The following HSD17B14 variants were observed in gnomAD, a reference collection of about 807,000 sequenced individuals.
HSD17B14 encodes hydroxysteroid 17-beta dehydrogenase 14, also known as L-fucose dehydrogenase.
In HSD17B14, 32 loss-of-function variants were observed where a neutral mutation model predicts 32.2. The observed-to-expected ratio is 0.99, with a 90% CI of 0.75 to 1.33. The LOEUF is 1.33. Ranked by LOEUF, HSD17B14 falls within the 40% of genes most tolerant of loss-of-function variation. The pLI is 0.00. For synonymous variants in HSD17B14, 140 were observed against 155.4 expected (o/e 0.90, Z 0.74); for missense variants, 370 against 366.5 (o/e 1.01, Z -0.08).
In HSD17B14 at chr19:48,813,288, C is replaced by T. The variant is rs1400589983; in HGVS notation, c.700G>A (p.Glu234Lys). ...VGAAAVFLAS[E>K]ANFCTGIELL... ...TCAATGCCCGTGCAGAAGTTGGCTT[C>T]GGAGGCCAGGAACACTGCCGCAGCC... The change falls in exon 9 of 9, where the codon GAA (glutamate) becomes AAA (lysine). Residue 234 changes from glutamate to lysine, a missense_variant. Transcript: ENST00000263278. 10 of 1,603,036 alleles carry T rather than the reference C, an allele frequency of 6.2e-6. No individual in the cohort carries two copies. The highest frequency in any genetic ancestry group is 1.7e-4 in the Middle Eastern group (1 of 6,042).
intron 5 of HSD17B14, among the ~76,000 whole-genome samples, chr19:48,822,198 G>A (rs1213478823): frequency 1.4e-5 from 2 of 145,770 alleles, no homozygotes; most frequent in Non-Finnish European, 3.0e-5. Flanking sequence ...TGATGGTGAT[G>A]ATGATGATGG....
At chr19:48,814,839 T>TA (rs375605467) in intron 6 of HSD17B14, among the ~76,000 whole-genome samples, 198 bp downstream of exon 6, 147 of 99,304 alleles carry the variant, frequency 1.5e-3, no homozygotes, top group South Asian at 4.2e-3. Context: ...ACTCCATCTT[T>TA]AAAAAAAAAA....
At chr19:48,831,556 C>T (rs1482799804) in intron 5 of HSD17B14, 112 bp downstream of exon 5, 2 of 809,804 alleles carry the variant, frequency 2.5e-6, no homozygotes, top group Non-Finnish European at 2.2e-6. Flanking sequence ...CTGTCTCCAA[C>T]AAACAAACAA....
At chr19:48,826,996 G>C (rs929037158) in intron 5 of HSD17B14, among the ~76,000 whole-genome samples, 1 of 151,868 alleles carries the variant, frequency 6.6e-6, no homozygotes, top group African/African-American at 2.4e-5. Flanking sequence ...AGCTCTGTCC[G>C]GTCAGTTGCT....
chr19:48,829,696 T>G (rs1445772625), intron 5 of HSD17B14, among the ~76,000 whole-genome samples: 11 of 134,802 alleles, frequency 8.2e-5, no homozygotes, highest in Non-Finnish European at 6.1e-5. Context: ...CAGGCTGGAG[T>G]GCAATGGCAC....
At chr19:48,825,162 C>T (rs914564665) in intron 5 of HSD17B14, among the ~76,000 whole-genome samples, 2 of 148,672 alleles carry the variant, frequency 1.3e-5, no homozygotes, top group Admixed American at 1.4e-4. Context: ...CACTTGAACC[C>T]AGCAGGTGGA....
intron 3 of HSD17B14, among the ~76,000 whole-genome samples, 182 bp downstream of exon 3, chr19:48,834,094 G>A (rs2035401084): frequency 6.6e-6 from 1 of 152,204 alleles, no homozygotes; most frequent in Non-Finnish European, 1.5e-5. Context: ...AGGAACATGT[G>A]ACCTGCCCAT....
chr19:48,828,485 G>A (rs921289228), intron 5 of HSD17B14, among the ~76,000 whole-genome samples: 1 of 152,000 alleles, frequency 6.6e-6, no homozygotes, highest in African/African-American at 2.4e-5. Flanking sequence ...AGTCATAGTG[G>A]TGCACCCCTG....
intron 5 of HSD17B14, among the ~76,000 whole-genome samples, chr19:48,826,078 C>T (rs994114687): frequency 6.6e-6 from 1 of 152,018 alleles, no homozygotes; most frequent in Non-Finnish European, 1.5e-5. Context: ...CCTCAGCCTC[C>T]CAAAGTGCTG....
rs145482025 is a variant in HSD17B14, at chr19:48,834,338, C to G, written c.148G>C (p.Glu50Gln). ...AAGACAGCTCCAGGGAGCTCCTGCTCCAGGGCCCGGCCCCCAGACTCTGCA... is the reference window on the plus strand; with the variant it reads ...AAGACAGCTCCAGGGAGCTCCTGCTGCAGGGCCCGGCCCCCAGACTCTGCA... The part of the protein sequence containing the change: ...DKDESGGRAL[E>Q]QELPGAVFIL... Residue 50 changes from glutamate to glutamine, a missense_variant, in exon 3 of 9, where the codon GAG (glutamate) becomes CAG (glutamine). Coordinates refer to ENST00000263278, the MANE Select transcript of HSD17B14 (RefSeq NM_016246.3). The G allele has an allele frequency of 2.5e-6, 4 of 1,613,696 alleles. No individual in the cohort carries two copies. The highest frequency in any genetic ancestry group is 1.1e-5 in the South Asian group (1 of 91,070).
At chr19:48,815,385 C>T (rs535188172) in intron 5 of HSD17B14, among the ~76,000 whole-genome samples, 28 of 152,138 alleles carry the variant, frequency 1.8e-4, no homozygotes, top group Non-Finnish European at 3.8e-4. Flanking sequence ...CTCTTCTCCT[C>T]GGTCTCTGAC....
Position 48,831,699 on chromosome 19 carries a change from A to C in HSD17B14, c.338T>G (p.Leu113Arg). 1 of 1,613,870 alleles carries C rather than the reference A, an allele frequency of 6.2e-7. No individual in the cohort carries two copies. Among genetic ancestry groups the C allele is most frequent in the Non-Finnish European group, 8.5e-7 (1 of 1,179,860 alleles). The change falls in exon 5 of 9, where the codon CTG (leucine) becomes CGG (arginine). Residue 113 changes from leucine (L) to arginine (R), a missense_variant. Coordinates refer to ENST00000263278, the MANE Select transcript of HSD17B14 (RefSeq NM_016246.3). The stretch of plus-strand genomic sequence containing the variant: ...CAAGGTGTACGTCCCCAGTAGGTTC[A>C]GCTCCAGCAGCTGGCGGAATCCCTG... ...SAQGFRQLLE[L>R]NLLGTYTLTK...
chr19:48,823,861 G>T (rs555060451), intron 5 of HSD17B14, among the ~76,000 whole-genome samples: 102 of 150,524 alleles, frequency 6.8e-4, no homozygotes, highest in African/African-American at 2.4e-3. Context: ...GGCTGGTCTT[G>T]AACTCCTGAC....
chr19:48,821,957 CGATTGTGGTAATGATGGTGAT>C (rs1018931681), intron 5 of HSD17B14, among the ~76,000 whole-genome samples: 8 of 136,480 alleles, frequency 5.9e-5, no homozygotes, highest in Non-Finnish European at 1.1e-4. Flanking sequence ...ATGATGGTTA[CGATTGTGGTAATGATGGTGAT>C]GATTGTGGTA....
chr19:48,826,891 G>A (rs905281008), intron 5 of HSD17B14, among the ~76,000 whole-genome samples: 103 of 151,722 alleles, frequency 6.8e-4, no homozygotes, highest in African/African-American at 2.4e-3. Context: ...CCACCTCCAC[G>A]ATCTCATGCC....
At chr19:48,819,807 G>A (rs1314922168) in intron 5 of HSD17B14, among the ~76,000 whole-genome samples, 1 of 152,158 alleles carries the variant, frequency 6.6e-6, no homozygotes, top group African/African-American at 2.4e-5. Context: ...ACTCCCCAAG[G>A]ACAGAGCCTA....
intron 5 of HSD17B14, among the ~76,000 whole-genome samples, chr19:48,826,542 T>TATATATATATATATATATAC: frequency 6.6e-4 from 53 of 80,068 alleles, no homozygotes; most frequent in Admixed American, 1.1e-3. Flanking sequence ...TATATATATA[T>TATATATATATATATATATAC]ACACACACAC....
chr19:48,813,547 G>A lies in HSD17B14; in HGVS notation c.548C>T (p.Ser183Phe), dbSNP rs1419988466. Residue 183 changes from serine to phenylalanine, a missense_variant, in exon 8 of 9, where the codon TCC becomes TTC. Transcript: ENST00000263278. ...CAGCGGGGTCCAGATGTTTCCTGGG[G>A]AGATACTAGAGGAAGGGAGAGGGGG... ...SPYGVRVNCI[S>F]PGNIWTPLWE... is the part of the protein sequence containing the mutation. 8 of 1,613,956 alleles carry A rather than the reference G, an allele frequency of 5.0e-6. No individual in the cohort carries two copies. Among genetic ancestry groups the A allele is most frequent in the Non-Finnish European group, 6.8e-6 (8 of 1,179,984 alleles).
chr19:48,834,111 C>T (rs1193806496), intron 3 of HSD17B14, among the ~76,000 whole-genome samples, 165 bp downstream of exon 3: 2 of 152,144 alleles, frequency 1.3e-5, no homozygotes. Flanking sequence ...CCATCAGTCA[C>T]AGAAGACCTT....
Sources: gnomAD v4.1 joint callset for allele counts (sites outside exome capture counted in the v4.1 genomes callset) on GRCh38, gnomAD v4.1.1 for gene constraint, MANE v1.5 for transcripts, NCBI Gene and HGNC (gene_info 2026-07-23, HGNC 2026-07-21) for gene names.